WWOX: variants seen among roughly 807,000 people sequenced by gnomAD.
WWOX encodes WW domain-containing oxidoreductase.
A neutral mutation model predicts 46.2 loss-of-function variants in WWOX; 69 were observed. That is an observed-to-expected ratio of 1.49 (90% CI 1.23 to 1.82). The LOEUF is 1.82. WWOX is among the 40% of genes most tolerant of loss of function. The pLI, the probability that WWOX is intolerant of heterozygous loss-of-function variation, is 0.00. For missense variants in WWOX, 919 were observed against 542.6 expected (o/e 1.69, Z -6.89); for synonymous variants, 359 against 202.6 (o/e 1.77, Z -6.56).
intron 8 of WWOX, among the ~76,000 whole-genome samples, chr16:78,702,361 G>A (rs1251843162): frequency 6.6e-6 from 1 of 151,736 alleles, no homozygotes; most frequent in Non-Finnish European, 1.5e-5. Flanking sequence ...GTGAAATGAT[G>A]TAACCAGGCT....
At chr16:78,921,270 C>T (rs911757395) in intron 8 of WWOX, among the ~76,000 whole-genome samples, 7 of 152,082 alleles carry the variant, frequency 4.6e-5, no homozygotes, top group South Asian at 2.1e-4. Context: ...GATACAGCTA[C>T]GTCAAAATGC....
intron 8 of WWOX, among the ~76,000 whole-genome samples, chr16:78,900,492 T>C (rs1039527264): frequency 1.3e-5 from 2 of 152,196 alleles, no homozygotes; most frequent in Non-Finnish European, 2.9e-5. Context: ...CTCACAACTT[T>C]CAAGAAACCC....
intron 8 of WWOX, among the ~76,000 whole-genome samples, chr16:78,776,827 A>T (rs1301610139): frequency 2.6e-5 from 4 of 152,028 alleles, no homozygotes; most frequent in Non-Finnish European, 5.9e-5. Flanking sequence ...CCACATATAA[A>T]ACCATCAGAT....
At chr16:78,730,611 C>A (rs909800800) in intron 8 of WWOX, among the ~76,000 whole-genome samples, 1 of 132,700 alleles carries the variant, frequency 7.5e-6, no homozygotes, top group Non-Finnish European at 1.5e-5. Context: ...GCCACCACGC[C>A]CGGCAATTTT....
chr16:78,603,388 A>G (rs886568572), intron 8 of WWOX, among the ~76,000 whole-genome samples: 1 of 152,216 alleles, frequency 6.6e-6, no homozygotes, highest in African/African-American at 2.4e-5. Flanking sequence ...CAGGCAAACT[A>G]CATGCATTTT....
At chr16:78,293,432 A>T (rs375940276) in intron 5 of WWOX, among the ~76,000 whole-genome samples, 27 of 152,096 alleles carry the variant, frequency 1.8e-4, no homozygotes, top group South Asian at 1.0e-3. Flanking sequence ...ACCTAGCATC[A>T]TTTCGCTGGG....
intron 8 of WWOX, among the ~76,000 whole-genome samples, chr16:78,607,602 G>A (rs923104113): frequency 5.9e-5 from 9 of 151,854 alleles, no homozygotes; most frequent in East Asian, 5.8e-4. Flanking sequence ...ATGACCATCC[G>A]AGGCATTCAG....
At chr16:79,206,138 T>A (rs2150844595) in intron 8 of WWOX, 1 of 152,064 alleles carries the variant, frequency 6.6e-6, no homozygotes, top group South Asian at 2.1e-4. Flanking sequence ...GAAAAAAAAA[T>A]CTCCTTTTAA....
intron 8 of WWOX, among the ~76,000 whole-genome samples, chr16:79,065,439 G>T (rs968982923): frequency 5.3e-5 from 8 of 152,212 alleles, no homozygotes; most frequent in Admixed American, 3.3e-4. Flanking sequence ...AATCATTGAA[G>T]TGTGGAAAAT....
chr16:78,197,722 A>C (rs990587116), intron 5 of WWOX, among the ~76,000 whole-genome samples: 3 of 152,206 alleles, frequency 2.0e-5, no homozygotes, highest in African/African-American at 7.2e-5. Context: ...TAATAACCCC[A>C]TGAAAAGGAT....
chr16:79,035,184 T>C, intron 8 of WWOX, among the ~76,000 whole-genome samples: 1 of 152,368 alleles, frequency 6.6e-6, no homozygotes, highest in East Asian at 1.9e-4. Flanking sequence ...GCCACTTTAA[T>C]TTCCCTAGGC....
intron 8 of WWOX, among the ~76,000 whole-genome samples, chr16:78,440,394 T>C (rs1567574805): frequency 6.6e-6 from 1 of 152,174 alleles, no homozygotes; most frequent in Non-Finnish European, 1.5e-5. Context: ...CTACCCATCC[T>C]GCAAAACTCA....
chr16:78,207,249 A>G (rs1032093197), intron 5 of WWOX, among the ~76,000 whole-genome samples: 1 of 152,176 alleles, frequency 6.6e-6, no homozygotes, highest in East Asian at 1.9e-4. Context: ...TTCTTTTTGT[A>G]TATATTTATG....
At chr16:78,305,650 G>C (rs555327268) in intron 5 of WWOX, among the ~76,000 whole-genome samples, 4 of 151,776 alleles carry the variant, frequency 2.6e-5, no homozygotes, top group Non-Finnish European at 5.9e-5. Flanking sequence ...AAAAAAGAAT[G>C]AAAAGCCCCT....
At chr16:79,127,474 C>G (rs1385964128) in intron 8 of WWOX, among the ~76,000 whole-genome samples, 2 of 152,166 alleles carry the variant, frequency 1.3e-5, no homozygotes, top group African/African-American at 2.4e-5. Flanking sequence ...GAGTATTACA[C>G]TGTGTGGATG....
chr16:79,046,345 C>T (rs986797936), intron 8 of WWOX, among the ~76,000 whole-genome samples: 6 of 152,184 alleles, frequency 3.9e-5, no homozygotes, highest in African/African-American at 1.4e-4. Flanking sequence ...GTCATTCTCT[C>T]TGGTTCTTCC....
intron 8 of WWOX, among the ~76,000 whole-genome samples, chr16:79,168,059 C>A (rs774075750): frequency 2.6e-5 from 4 of 152,152 alleles, no homozygotes; most frequent in Non-Finnish European, 4.4e-5. Context: ...TGTGTCAGTA[C>A]TTTATTCTTT....
At chr16:78,570,015 TTAAAACTC>T (rs2044674249) in intron 8 of WWOX, among the ~76,000 whole-genome samples, 1 of 152,156 alleles carries the variant, frequency 6.6e-6, no homozygotes, top group South Asian at 2.1e-4. Context: ...ATCGGAAAGA[TTAAAACTC>T]TAAAACTAAC....
chr16:79,048,217 G>T (rs951113663), intron 8 of WWOX, among the ~76,000 whole-genome samples: 1 of 152,194 alleles, frequency 6.6e-6, no homozygotes, highest in African/African-American at 2.4e-5. Flanking sequence ...GGCCAGGAGG[G>T]AGCTGACCTG....
Sources: allele counts gnomAD v4.1 joint callset (sites outside exome capture counted in the v4.1 genomes callset), GRCh38; gene constraint gnomAD v4.1.1; transcripts MANE v1.5; gene names NCBI Gene and HGNC (gene_info 2026-07-23, HGNC 2026-07-21).